The following ADCY8 variants were observed in gnomAD, a reference collection of about 807,000 sequenced individuals.
The protein encoded by ADCY8 is adenylate cyclase type 8.
Under a neutral mutation model 119.7 loss-of-function variants are expected in ADCY8, and 51 were observed. The ratio of observed to expected loss-of-function variants is 0.43; its 90% CI spans 0.34 to 0.54. The LOEUF (loss-of-function observed/expected upper bound fraction) is 0.54. Ranked by LOEUF, ADCY8 falls within the 20% of genes least tolerant of loss-of-function variation. The probability of loss-of-function intolerance (pLI) is 0.03; values close to 1 mark genes in which losing one functional copy is unlikely to be tolerated. For synonymous variants in ADCY8, 665 were observed against 651.0 expected (o/e 1.02, Z -0.33); for missense variants, 1,383 against 1,598.8 (o/e 0.87, Z 2.30).
intron 12 of ADCY8, among the ~76,000 whole-genome samples, chr8:130,832,543 C>A (rs950004231): frequency 6.6e-6 from 1 of 152,148 alleles, no homozygotes; most frequent in Non-Finnish European, 1.5e-5. Flanking sequence ...TATAATACAG[C>A]TGAGATGGAA....
intron 12 of ADCY8, among the ~76,000 whole-genome samples, chr8:130,823,339 G>T (rs1049025503): frequency 2.6e-5 from 4 of 152,132 alleles, no homozygotes; most frequent in Non-Finnish European, 4.4e-5. Context: ...GCCAGGCTGA[G>T]GAGCATCAGA....
At chr8:130,857,131 A>G (rs890970857) in intron 9 of ADCY8, among the ~76,000 whole-genome samples, 2 of 151,350 alleles carry the variant, frequency 1.3e-5, no homozygotes, top group Non-Finnish European at 2.9e-5. Flanking sequence ...TAGGAGATAT[A>G]CCTAATGCTA....
chr8:130,854,998 T>C (rs1378032591), intron 9 of ADCY8, among the ~76,000 whole-genome samples: 2 of 150,052 alleles, frequency 1.3e-5, no homozygotes, highest in Non-Finnish European at 1.5e-5. Flanking sequence ...CATTGTTCTA[T>C]AGTCCCAAGA....
At position 130,869,719 on chromosome 8, in the gene ADCY8, A is replaced by G. The variant is rs1818267954; in HGVS notation, c.2110-1773T>C. Among the ~76,000 whole-genome samples, 3 of 151,436 alleles carry G rather than the reference A, an allele frequency of 2.0e-5. No individual in the cohort carries two copies. The South Asian group carries it at 6.3e-4, about 32-fold the overall frequency. Reference sequence around the variant, plus strand: ...TTTTTAGTAGAGATGGGGTTTCACCATGTTAGCCAGGATGGTCTCGATATC... The same window carrying G: ...TTTTTAGTAGAGATGGGGTTTCACCGTGTTAGCCAGGATGGTCTCGATATC... On this transcript the variant is annotated intron_variant, in intron 8 of 17. Coordinates refer to ENST00000286355, the MANE Select transcript of ADCY8 (RefSeq NM_001115.3).
rs796558537 is a variant in ADCY8 at position 130,858,455 on chromosome 8, GATTAC to G, written c.2211-8657_2211-8653del. On this transcript the variant is annotated intron_variant, in intron 9 of 17. Coordinates refer to ENST00000286355, the MANE Select transcript of ADCY8 (RefSeq NM_001115.3). ...GAGATTTGTCTGAAATTTTCTTCAT[GATTAC>G]ATTACGGGTTTGGGGAGGAAGACCA... Among the ~76,000 whole-genome samples the G allele has an allele frequency of 6.9e-4, 105 of 152,212 alleles. 1 individual carries two copies. Among genetic ancestry groups the G allele is most frequent in the African/African-American group, 2.4e-3 (100 of 41,526 alleles).
intron 1 of ADCY8, among the ~76,000 whole-genome samples, chr8:131,038,346 T>G (rs1331362755): frequency 6.6e-6 from 1 of 152,180 alleles, no homozygotes; most frequent in African/African-American, 2.4e-5. Flanking sequence ...ACCATGCATC[T>G]CACACCAGCC....
chr8:130,884,126 T>C (rs1194472463), intron 8 of ADCY8, among the ~76,000 whole-genome samples: 2 of 152,176 alleles, frequency 1.3e-5, no homozygotes, highest in African/African-American at 4.8e-5. Context: ...AATAGATATC[T>C]AAAATCTAAG....
intron 1 of ADCY8, among the ~76,000 whole-genome samples, chr8:131,001,220 G>C (rs929594616): frequency 2.7e-4 from 41 of 152,106 alleles, no homozygotes; most frequent in African/African-American, 9.9e-4. Context: ...TGAGGACGAG[G>C]AGTGAGGGAG....
chr8:131,037,621 T>C (rs1257339515), intron 1 of ADCY8, among the ~76,000 whole-genome samples: 2 of 151,686 alleles, frequency 1.3e-5, no homozygotes, highest in African/African-American at 4.9e-5. Flanking sequence ...CAACTCATAG[T>C]GAGTTAGATG....
At position 130,884,644 on chromosome 8, in the gene ADCY8, A is replaced by C. The variant is rs758558481; in HGVS notation, c.2029T>G (p.Leu677Val). The C allele has an allele frequency of 6.2e-7, 1 of 1,613,926 alleles. No homozygotes were observed. The highest frequency in any genetic ancestry group is 1.1e-5 in the South Asian group (1 of 91,092). Residue 677 changes from leucine to valine, a missense_variant, in exon 8 of 18, where the codon TTG (leucine) becomes GTG (valine). Around this residue, in one of 2 missense-constraint regions of ADCY8, gnomAD observed 928 missense variants for 1,163.5 expected, o/e 0.80. Coordinates refer to ENST00000286355, the MANE Select transcript of ADCY8 (RefSeq NM_001115.3). The stretch of plus-strand genomic sequence containing the variant: ...CTTCTCAATTTATCGCCACTCCGCA[A>C]GTCGATGGTATGTTCTATTCTCTTG... The part of the protein sequence containing the change: ...INKRIEHTID[L>V]RSGDKLRREH...
chr8:130,800,299 G>T, intron 15 of ADCY8, 127 bp downstream of exon 15: 2 of 1,061,664 alleles, frequency 1.9e-6, no homozygotes, highest in Non-Finnish European at 2.8e-6. Context: ...ACATGTTTGT[G>T]TTTATAATGC....
chr8:130,913,024 G>A (rs1820026194), intron 5 of ADCY8, among the ~76,000 whole-genome samples: 1 of 152,138 alleles, frequency 6.6e-6, no homozygotes, highest in Non-Finnish European at 1.5e-5. Flanking sequence ...CAAGTGTATA[G>A]TAGGATTGTC....
At chr8:130,897,415 A>G (rs1423404227) in intron 7 of ADCY8, among the ~76,000 whole-genome samples, 2 of 151,928 alleles carry the variant, frequency 1.3e-5, no homozygotes, top group Non-Finnish European at 2.9e-5. Context: ...TGGTATCAAC[A>G]TTTGCCAACT....
At chr8:131,021,057 G>A (rs1383259573) in intron 1 of ADCY8, among the ~76,000 whole-genome samples, 1 of 152,144 alleles carries the variant, frequency 6.6e-6, no homozygotes, top group East Asian at 1.9e-4. Flanking sequence ...TAGAAGAATT[G>A]CAATTACAAT....
At chr8:130,886,188 C>A (rs1381464164) in intron 7 of ADCY8, among the ~76,000 whole-genome samples, 2 of 152,070 alleles carry the variant, frequency 1.3e-5, no homozygotes, top group Admixed American at 1.3e-4. Context: ...CTCATCACGG[C>A]TAGACTTTAC....
In ADCY8 at chr8:131,018,786, C is replaced by T. The variant is rs74510578; in HGVS notation, c.960+20588G>A. ...GAATTCAAGCCAGGTACTCTGTCTC[C>T]ACAGCATGTGTTCTCACTCATTCTG... On this transcript the variant is annotated intron_variant, in intron 1 of 17. Coordinates refer to ENST00000286355, the MANE Select transcript of ADCY8 (RefSeq NM_001115.3). 8.5e-3 allele frequency among the ~76,000 whole-genome samples: 1,300 copies of T among 152,268 alleles called. 16 individuals are homozygous for T. The highest frequency in any genetic ancestry group is 0.029 in the African/African-American group (1,217 of 41,564).
rs56349727 is a variant in ADCY8 at position 130,836,127 on chromosome 8, C to A, written c.2675+150G>T. ...TGAAAAGTCAGGATTTTTGCTTGGA[C>A]TTGTAAACTACAGAATGCCTGATTT... is the stretch of plus-strand genomic sequence containing the variant. On this transcript the variant is annotated intron_variant, in intron 12 of 17. Transcript: ENST00000286355. The A allele has an allele frequency of 1.1e-5, 10 of 877,410 alleles. No individual in the cohort carries two copies. In the African/African-American group the frequency reaches 1.4e-4, roughly 12 times the overall value. The allele number at this position is 877,410 out of a possible 1,614,324, so 54.4% of individuals were successfully genotyped here.
intron 1 of ADCY8, among the ~76,000 whole-genome samples, chr8:130,997,440 G>A (rs1822814856): frequency 6.6e-6 from 1 of 152,052 alleles, no homozygotes. Flanking sequence ...CTAGCATTTG[G>A]GGCTTCTTCC....
intron 15 of ADCY8, among the ~76,000 whole-genome samples, chr8:130,797,705 G>C (rs906819219): frequency 6.6e-6 from 1 of 152,146 alleles, no homozygotes. Flanking sequence ...AAGACCCTCT[G>C]TACTAGTACA....
Sources: gnomAD v4.1 joint callset for allele counts (sites outside exome capture counted in the v4.1 genomes callset) on GRCh38, gnomAD v4.1.1 for gene constraint, gnomAD v4.1.1 regional missense constraint, MANE v1.5 for transcripts, NCBI Gene and HGNC (gene_info 2026-07-23, HGNC 2026-07-21) for gene names.